The following ARFGEF1 variants were observed in gnomAD, a reference collection of about 807,000 sequenced individuals.
ARFGEF1 encodes the protein brefeldin A-inhibited guanine nucleotide-exchange protein 1.
Under a neutral mutation model 231.0 loss-of-function variants are expected in ARFGEF1, and 42 were observed. The ratio of observed to expected loss-of-function variants is 0.18; its 90% CI spans 0.14 to 0.24. The LOEUF is 0.24. ARFGEF1 is among the 10% of genes least tolerant of loss of function. The pLI is 1.00. For missense variants in ARFGEF1, 1,345 were observed against 2,192.0 expected, an observed-to-expected ratio of 0.61 and a Z score of 7.72; for synonymous variants, 710 against 732.3, an observed-to-expected ratio of 0.97 and a Z score of 0.49.
chr8:67,175,316 C>A (rs1420249939), downstream of ARFGEF1: 2 of 1,611,768 alleles, frequency 1.2e-6, no homozygotes, highest in Admixed American at 1.7e-5. Flanking sequence ...ACGAGTTGAT[C>A]TGAAATTTAT....
At chr8:67,205,944 T>A in intron 34 of ARFGEF1, among the ~76,000 whole-genome samples, 1 of 149,914 alleles carries the variant, frequency 6.7e-6, no homozygotes, top group South Asian at 2.1e-4. Flanking sequence ...CATAAGAAAA[T>A]AACAGAACAG....
At chr8:67,193,903 T>C (rs923650239), downstream of ARFGEF1, among the ~76,000 whole-genome samples, 1 of 152,268 alleles carries the variant, frequency 6.6e-6, no homozygotes, top group Non-Finnish European at 1.5e-5. Flanking sequence ...ATGATAATAG[T>C]AATCACTTTA....
chr8:67,195,601 C>A, downstream of ARFGEF1: 1 of 1,610,752 alleles, frequency 6.2e-7, no homozygotes, highest in Non-Finnish European at 8.5e-7. Flanking sequence ...TAAAATAAAC[C>A]TGTACTGGAC....
rs1035053009 is a variant in ARFGEF1, at chr8:67,245,371, AAGAC to A, written c.2851-5085_2851-5082del. On this transcript the variant is annotated intron_variant, in intron 19 of 38. Coordinates refer to ENST00000262215, the MANE Select transcript of ARFGEF1 (RefSeq NM_006421.5). ...GACATGTAAAATACTCTTAAGTAGAAAGACAGAAAGATGACTCACAGCTTTTCAA... is the reference window on the plus strand; with the variant it reads ...GACATGTAAAATACTCTTAAGTAGAAAGAAAGATGACTCACAGCTTTTCAA... Among the ~76,000 whole-genome samples the A allele has an allele frequency of 3.6e-4, 54 of 150,768 alleles. 4 individuals carry two copies. Among genetic ancestry groups the A allele is most frequent in the East Asian group, 1.5e-3 (8 of 5,188 alleles).
chr8:67,312,675 G>C (rs1253215084), intron 1 of ARFGEF1, among the ~76,000 whole-genome samples: 1 of 152,156 alleles, frequency 6.6e-6, no homozygotes, highest in Non-Finnish European at 1.5e-5. Flanking sequence ...TTCTCCTCGA[G>C]TTTTAAAAAT....
intron 23 of ARFGEF1, among the ~76,000 whole-genome samples, chr8:67,232,352 C>G (rs1417870134): frequency 6.6e-6 from 1 of 151,832 alleles, no homozygotes; most frequent in Non-Finnish European, 1.5e-5. Context: ...TAAAGCATAC[C>G]ATGGGTTTTC....
At chr8:67,294,307 C>T (rs1806137222) in intron 5 of ARFGEF1, among the ~76,000 whole-genome samples, 1 of 151,968 alleles carries the variant, frequency 6.6e-6, no homozygotes, top group Admixed American at 6.6e-5. Context: ...TTAAAACTAA[C>T]CAGGATGTGA....
chr8:67,193,204 C>T (rs1393844665), downstream of ARFGEF1, among the ~76,000 whole-genome samples: 1 of 152,114 alleles, frequency 6.6e-6, no homozygotes, highest in African/African-American at 2.4e-5. Context: ...GCAGCCTCCA[C>T]CTCCTGCCTC....
chr8:67,248,196 A>C (rs1381244702), intron 19 of ARFGEF1, among the ~76,000 whole-genome samples: 1 of 150,376 alleles, frequency 6.6e-6, no homozygotes, highest in African/African-American at 2.5e-5. Flanking sequence ...ATCCTGAGCA[A>C]AAAGTACAAA....
At chr8:67,241,465 T>C (rs920834750) in intron 19 of ARFGEF1, among the ~76,000 whole-genome samples, 2 of 152,112 alleles carry the variant, frequency 1.3e-5, no homozygotes, top group Non-Finnish European at 2.9e-5. Flanking sequence ...AAACGGTTCT[T>C]AAGGCAGTGA....
intron 9 of ARFGEF1, among the ~76,000 whole-genome samples, chr8:67,274,072 C>T (rs1805211922): frequency 6.6e-6 from 1 of 152,040 alleles, no homozygotes; most frequent in Non-Finnish European, 1.5e-5. Context: ...TTATTAAATA[C>T]CTACTGTGTA....
chr8:67,272,467 A>C (rs967010335), intron 9 of ARFGEF1, among the ~76,000 whole-genome samples: 10 of 151,968 alleles, frequency 6.6e-5, no homozygotes, highest in Admixed American at 4.6e-4. Context: ...CGCCTGGCCC[A>C]CAAACTTTTT....
At chr8:67,292,148 A>AT in intron 5 of ARFGEF1, 25 bp from the exon 6 acceptor site, 1 of 1,592,558 alleles carries the variant, frequency 6.3e-7, no homozygotes, top group African/African-American at 1.4e-5. Context: ...AATTTCCAAT[A>AT]TTAGTAAAAT....
At position 67,271,851 on chromosome 8, in the gene ARFGEF1, C is replaced by A; in HGVS notation, c.1423G>T (p.Glu475Ter). ...QNAGPIFRTN[E>*]MFINAIKQYL... ...TGCTTAATAGCATTAATAAACATCT[C>A]ATTTGTCCTGAAAATAGGTCCTGCA... The change falls in exon 10 of 39, where the codon GAG becomes TAG. Residue 475 changes from glutamate to a stop codon, truncating the protein, a stop_gained. Transcript: ENST00000262215. LOFTEE classifies it high-confidence loss of function. The A allele has an allele frequency of 6.2e-7, 1 of 1,613,748 alleles. No homozygotes were observed. The highest frequency in any genetic ancestry group is 1.1e-5 in the South Asian group (1 of 91,058).
At chr8:67,329,757 C>G (rs1808015672) in intron 1 of ARFGEF1, among the ~76,000 whole-genome samples, 1 of 151,344 alleles carries the variant, frequency 6.6e-6, no homozygotes, top group Non-Finnish European at 1.5e-5. Flanking sequence ...TCAATAAAAC[C>G]TTTACATTAA....
At chr8:67,190,267 T>C (rs1835844789) in intron 5 of ARFGEF1, among the ~76,000 whole-genome samples, 1 of 152,172 alleles carries the variant, frequency 6.6e-6, no homozygotes, top group Non-Finnish European at 1.5e-5. Context: ...AACTTAAACA[T>C]GGCACAGCAT....
At chr8:67,175,543 G>A in exon 6 of ARFGEF1, 1 of 1,299,874 alleles carries the variant, frequency 7.7e-7, no homozygotes, top group South Asian at 1.2e-5. Flanking sequence ...CCTTTCACTG[G>A]CAGCCCCATG....
At chr8:67,250,374 G>A (rs1472064983) in intron 19 of ARFGEF1, among the ~76,000 whole-genome samples, 1 of 152,194 alleles carries the variant, frequency 6.6e-6, no homozygotes, top group Non-Finnish European at 1.5e-5. Context: ...TGAGGGAAAA[G>A]ATTCTTAATT....
intron 19 of ARFGEF1, among the ~76,000 whole-genome samples, chr8:67,248,435 T>C (rs1563863238): frequency 6.7e-6 from 1 of 149,276 alleles, no homozygotes; most frequent in Non-Finnish European, 1.5e-5. Context: ...TGGATATCCA[T>C]ATACAAAAGA....
Sources: gnomAD v4.1 joint callset for allele counts (sites outside exome capture counted in the v4.1 genomes callset) on GRCh38, gnomAD v4.1.1 for gene constraint, MANE v1.5 for transcripts, NCBI Gene and HGNC (gene_info 2026-07-23, HGNC 2026-07-21) for gene names.